Variants in MTAP observed in about 807,000 individuals in gnomAD.
The protein encoded by MTAP is S-methyl-5'-thioadenosine phosphorylase.
In MTAP, 33 loss-of-function variants were observed where a neutral mutation model predicts 33.6. The observed-to-expected ratio is 0.98, with a 90% confidence interval of 0.74 to 1.31. MTAP has a LOEUF of 1.31. Among genes scored for constraint, MTAP ranks in the 40% most tolerant of loss-of-function variants. The pLI is 0.00. For missense variants in MTAP, 367 were observed against 360.0 expected, an observed-to-expected ratio of 1.02 and a Z score of -0.16; for synonymous variants, 148 against 125.7, an observed-to-expected ratio of 1.18 and a Z score of -1.19.
chr9:21,838,154 T>C (rs749110152), intron 5 of MTAP, 144 bp downstream of exon 5: 5 of 633,356 alleles, frequency 7.9e-6, no homozygotes, highest in Admixed American at 2.9e-5. Context: ...TGAAGAGTTA[T>C]TTCCTGTTGC....
In MTAP at chr9:21,861,958, C is replaced by T. The variant is rs760196201; in HGVS notation, c.814-18C>T. On this transcript the variant is annotated intron_variant, in intron 7 of 7. Coordinates refer to ENST00000644715, the MANE Select transcript of MTAP (RefSeq NM_002451.4). ...TACGCCAACATGTGAATATCACTGCCTCCTTTCTTCCTTTCAGAATATGGC... is the reference window on the plus strand; with the variant it reads ...TACGCCAACATGTGAATATCACTGCTTCCTTTCTTCCTTTCAGAATATGGC... The T allele has an allele frequency of 2.2e-6, 3 of 1,377,178 alleles. No individual in the cohort carries two copies. Among genetic ancestry groups the T allele is most frequent in the Middle Eastern group, 1.8e-4 (1 of 5,570 alleles). The allele number at this position is 1,377,178 out of a possible 1,614,324, so 85.3% of individuals were successfully genotyped here.
chr9:21,811,705 G>T (rs1196727368), intron 1 of MTAP: 2 of 531,994 alleles, frequency 3.8e-6, no homozygotes, highest in East Asian at 1.1e-4. Flanking sequence ...ACACCAGGTC[G>T]TTCATGTTGC....
intron 5 of MTAP, among the ~76,000 whole-genome samples, chr9:21,840,591 T>A (rs975742300): frequency 6.6e-6 from 1 of 152,212 alleles, no homozygotes. Context: ...GCTTTGGATG[T>A]ACTCCCAGTC....
intron 1 of MTAP, among the ~76,000 whole-genome samples, chr9:21,911,957 C>T (rs546581523): frequency 3.0e-4 from 45 of 152,150 alleles, no homozygotes; most frequent in African/African-American, 1.0e-3. Flanking sequence ...GTATCAAGAC[C>T]GATCCCACAG....
At chr9:21,851,595 A>T (rs1442763532) in intron 5 of MTAP, among the ~76,000 whole-genome samples, 4 of 152,004 alleles carry the variant, frequency 2.6e-5, no homozygotes, top group Non-Finnish European at 5.9e-5. Flanking sequence ...ATCTCAGGAG[A>T]TGTGTATGGA....
At chr9:21,896,778 T>G (rs1298964325) in intron 1 of MTAP, among the ~76,000 whole-genome samples, 1 of 152,142 alleles carries the variant, frequency 6.6e-6, no homozygotes, top group East Asian at 1.9e-4. Context: ...AACAGATGGA[T>G]TCACAGCCGA....
At chr9:21,847,258 A>G (rs1005468432) in intron 5 of MTAP, among the ~76,000 whole-genome samples, 14 of 152,140 alleles carry the variant, frequency 9.2e-5, no homozygotes, top group African/African-American at 3.1e-4. Flanking sequence ...GTGAGTTAAT[A>G]CTTAATAAAC....
chr9:21,811,023 CA>C (rs141692509), intron 1 of MTAP, among the ~76,000 whole-genome samples: 2,747 of 152,216 alleles, frequency 0.018, 79 homozygotes, highest in African/African-American at 0.064. Flanking sequence ...CTGTGCTTGC[CA>C]AAATTGTTAT....
intron 1 of MTAP, among the ~76,000 whole-genome samples, chr9:21,899,268 G>A (rs1161012427): frequency 6.6e-6 from 1 of 151,310 alleles, no homozygotes; most frequent in African/African-American, 2.4e-5. Context: ...AGCATTAGAA[G>A]ATATACCTAA....
intron 4 of MTAP, among the ~76,000 whole-genome samples, chr9:21,819,536 A>G (rs1310004259): frequency 6.6e-6 from 1 of 152,160 alleles, no homozygotes; most frequent in Non-Finnish European, 1.5e-5. Flanking sequence ...AATCCAGTCT[A>G]TCATTGATGG....
At chr9:21,905,954 G>C (rs1818470661) in intron 1 of MTAP, among the ~76,000 whole-genome samples, 1 of 152,170 alleles carries the variant, frequency 6.6e-6, no homozygotes, top group Non-Finnish European at 1.5e-5. Context: ...AGTGGGTTTG[G>C]TATTTATTTT....
chr9:21,889,004 T>C (rs1329857047), intron 1 of MTAP, among the ~76,000 whole-genome samples: 2 of 152,064 alleles, frequency 1.3e-5, no homozygotes, highest in Admixed American at 6.6e-5. Flanking sequence ...TTAAGCAAAA[T>C]AAGTTGTTTG....
In MTAP at chr9:21,911,629, A is replaced by G. The variant is rs139389199; in HGVS notation, c.148-19379A>G. Among the ~76,000 whole-genome samples the G allele has an allele frequency of 0.018, 2,774 of 152,360 alleles. 181 individuals carry two copies. The East Asian group carries it at 0.2, about 11-fold the overall frequency. Reference sequence around the variant, plus strand: ...AGAATCTCTGTGACACATTTAAAACAGTGTGTAGAGGGAAATTTATAGCGC... The same window carrying G: ...AGAATCTCTGTGACACATTTAAAACGGTGTGTAGAGGGAAATTTATAGCGC... On this transcript the variant is annotated intron_variant, in intron 1 of 1. Transcript: ENST00000577563.
intron 4 of MTAP, among the ~76,000 whole-genome samples, chr9:21,819,224 T>G (rs1280053817): frequency 1.3e-5 from 2 of 152,022 alleles, no homozygotes; most frequent in African/African-American, 2.4e-5. Context: ...ATGTGCCATG[T>G]TGGTGTGCTG....
chr9:21,856,746 G>A (rs929290208), intron 6 of MTAP, among the ~76,000 whole-genome samples: 6 of 152,166 alleles, frequency 3.9e-5, no homozygotes, highest in African/African-American at 1.4e-4. Flanking sequence ...TACAAGGAAG[G>A]CCCACAGAAA....
chr9:21,932,743 A>G (rs1818982801), downstream of MTAP: 1 of 152,156 alleles, frequency 6.6e-6, no homozygotes, highest in African/African-American at 2.4e-5. Flanking sequence ...CAATAATAAA[A>G]TACGTCTCCC....
chr9:21,836,095 A>G (rs1389473219), intron 4 of MTAP, among the ~76,000 whole-genome samples: 2 of 151,928 alleles, frequency 1.3e-5, no homozygotes, highest in Non-Finnish European at 2.9e-5. Context: ...CCAGACCCAC[A>G]CTTGTGAGCT....
At chr9:21,834,666 A>G (rs1825058687) in intron 4 of MTAP, among the ~76,000 whole-genome samples, 1 of 152,198 alleles carries the variant, frequency 6.6e-6, no homozygotes. Flanking sequence ...TCCGTCTTCC[A>G]CATGTGAGGA....
At chr9:21,805,171 C>G (rs553768328) in intron 1 of MTAP, among the ~76,000 whole-genome samples, 62 of 150,768 alleles carry the variant, frequency 4.1e-4, no homozygotes, top group African/African-American at 1.5e-3. Context: ...CCTTTAATGT[C>G]AGCCCAAGTA....
Sources: allele counts gnomAD v4.1 joint callset (sites outside exome capture counted in the v4.1 genomes callset), GRCh38; gene constraint gnomAD v4.1.1; transcripts MANE v1.5; gene names NCBI Gene and HGNC (gene_info 2026-07-23, HGNC 2026-07-21).